ADSS1: variants seen among roughly 807,000 people sequenced by gnomAD.
ADSS1 encodes the protein adenylosuccinate synthase 1.
A neutral mutation model predicts 59.1 loss-of-function variants in ADSS1; 57 were observed. That is an observed-to-expected ratio of 0.97 (90% CI 0.78 to 1.20). The LOEUF (loss-of-function observed/expected upper bound fraction) is 1.20, where lower values mean the gene tolerates loss of function less well. Among genes scored for constraint, ADSS1 ranks in the 50% most tolerant of loss-of-function variants. ADSS1 has a pLI of 0.00. For synonymous variants in ADSS1, 247 were observed against 249.4 expected (o/e 0.99, Z 0.09); for missense variants, 603 against 610.3 (o/e 0.99, Z 0.13).
intron 3 of ADSS1, 91 bp from the exon 4 acceptor site, chr14:104,739,237 A>G: frequency 7.2e-7 from 1 of 1,388,444 alleles, no homozygotes; most frequent in East Asian, 2.5e-5. Flanking sequence ...CCTGGATGGG[A>G]GCCGGGCGAG....
chr14:104,730,355 T>G, intron 1 of ADSS1: 27 of 915,356 alleles, frequency 2.9e-5, no homozygotes, highest in Non-Finnish European at 4.0e-5. Context: ...CTGGGCATGC[T>G]GGTGGGCGCC....
intron 10 of ADSS1, chr14:104,744,569 G>A (rs535653226): frequency 1.9e-6 from 1 of 538,738 alleles, no homozygotes; most frequent in East Asian, 3.1e-5. Context: ...TTCACAATAG[G>A]GTTCAGGCTC....
intron 3 of ADSS1, 51 bp downstream of exon 3, chr14:104,738,489 G>C (rs747748633): frequency 6.3e-7 from 1 of 1,596,230 alleles, no homozygotes; most frequent in South Asian, 1.1e-5. Context: ...GGTGCCCTGA[G>C]CGGTTGTTGG....
intron 2 of ADSS1, 28 bp downstream of exon 2, chr14:104,735,150 G>A (rs1251372755): frequency 6.4e-6 from 10 of 1,570,314 alleles, no homozygotes; most frequent in Non-Finnish European, 8.7e-6. Flanking sequence ...ACCTGTGTGT[G>A]AGCAGGAAAG....
In ADSS1 at chr14:104,747,124, T is replaced by C; in HGVS notation, c.*121T>C. 4.7e-6 allele frequency: 4 copies of C among 844,796 alleles called. No individual in the cohort carries two copies. Among genetic ancestry groups the C allele is most frequent in the Non-Finnish European group, 7.2e-6 (4 of 558,898 alleles). The allele number at this position is 844,796 out of a possible 1,614,324, so 52.3% of individuals were successfully genotyped here. A position where few individuals can be genotyped will look rare whatever the true frequency, so the allele number is the denominator to read the frequency against. On this transcript the variant is annotated 3_prime_UTR_variant, in exon 13 of 13. Transcript: ENST00000330877. ...GCAGGAAAACCATTTTCTGTACTTT[T>C]ATATTTCTGTTCAACCTGTTGGTTT...
At chr14:104,746,488 G>A in intron 12 of ADSS1, 103 bp downstream of exon 12, 1 of 1,426,910 alleles carries the variant, frequency 7.0e-7, no homozygotes, top group Middle Eastern at 2.6e-4. Context: ...ACCAAGTGTG[G>A]TCACCAAGCG....
chr14:104,745,005 C>T lies in ADSS1; in HGVS notation c.1171+96C>T, dbSNP rs546581484. On this transcript the variant is annotated intron_variant, in intron 11 of 12. Coordinates refer to ENST00000330877, the MANE Select transcript of ADSS1 (RefSeq NM_152328.5). ...CTTCTCAGAGAGGGGTGAGTTCCCA[C>T]GTTCACAGGACACAGGGCAAGCAGC... 578 of 1,061,140 alleles carry T rather than the reference C, an allele frequency of 5.4e-4. 5 individuals are homozygous for T. The highest frequency in any genetic ancestry group is 4.9e-3 in the Middle Eastern group (23 of 4,724). The allele number at this position is 1,061,140 out of a possible 1,614,324, so 65.7% of individuals were successfully genotyped here.
Position 104,724,385 on chromosome 14 carries a change from G to A in ADSS1, c.115G>A (p.Ala39Thr), listed in dbSNP as rs771061801. 1.1e-5 allele frequency: 14 copies of A among 1,257,746 alleles called. No homozygotes were observed. Among genetic ancestry groups the A allele is most frequent in the East Asian group, 3.0e-5 (1 of 33,110 alleles). The allele number at this position is 1,257,746 out of a possible 1,614,324, so 77.9% of individuals were successfully genotyped here. A position where few individuals can be genotyped will look rare whatever the true frequency, so the allele number is the denominator to read the frequency against. Reference protein sequence around the residue: ...TGSRVTVVLGAQWGDEGKGKV... With the variant: ...TGSRVTVVLGTQWGDEGKGKV... ...CTCCCGCGTGACGGTGGTGCTGGGC[G>A]CGCAGTGGGGGGACGAGGGCAAAGG... Residue 39 changes from alanine (A) to threonine (T), a missense_variant, in exon 1 of 13, where the codon GCG (alanine) becomes ACG (threonine). Transcript: ENST00000330877.
At position 104,741,191 on chromosome 14, in the gene ADSS1, C is replaced by G. The variant is rs150115019; in HGVS notation, c.741C>G (p.Pro247=). 4,458 of 1,612,158 alleles carry G rather than the reference C, an allele frequency of 2.8e-3. 51 individuals carry two copies. The highest frequency in any genetic ancestry group is 0.025 in the South Asian group (2,303 of 90,852). ...TGTATGAGGCACTCCACGGCCCCCC[C>G]AAGAAGATCCTGGTGGAGGGTGCCA... is the stretch of plus-strand genomic sequence containing the variant. ...YFMYEALHGP[P]KKILVEGANA... is the part of the protein sequence containing the mutation. The change falls in exon 8 of 13, where the codon CCC becomes CCG. Residue 247 remains proline, a synonymous_variant. Transcript: ENST00000330877.
At chr14:104,727,829 G>A (rs1890760762) in intron 1 of ADSS1, among the ~76,000 whole-genome samples, 1 of 152,174 alleles carries the variant, frequency 6.6e-6, no homozygotes, top group South Asian at 2.1e-4. Context: ...AGGACCACAG[G>A]GCTCCAGCGC....
In ADSS1 at chr14:104,746,295, G is replaced by T. The variant is rs199570234; in HGVS notation, c.1231G>T (p.Ala411Ser). ...GTATGAAACGCTGCCTGGGTGGAAA[G>T]CAGACACCACAGGCGCCAGGAGGTG... ...VEYETLPGWK[A>S]DTTGARRWED... Residue 411 changes from alanine (A) to serine (S), a missense_variant, in exon 12 of 13, where the codon GCA becomes TCA. Physicochemically the swap from Ala to Ser is moderately conservative, Grantham distance 99. Coordinates refer to ENST00000330877, the MANE Select transcript of ADSS1 (RefSeq NM_152328.5). 57 of 1,613,692 alleles carry T rather than the reference G, an allele frequency of 3.5e-5. No individual in the cohort carries two copies. The highest frequency in any genetic ancestry group is 2.2e-5 in the East Asian group (1 of 44,898).
At position 104,746,370 on chromosome 14, in the gene ADSS1, C is replaced by G. The variant is rs189271678; in HGVS notation, c.1306C>G (p.His436Asp). The change falls in exon 12 of 13, where the codon CAC becomes GAC. Residue 436 changes from histidine to aspartate, a missense_variant. By Grantham distance (81) the His-to-Asp change is moderately conservative. Transcript: ENST00000330877. ...GAACTACATCCGCTTTGTGGAGAAT[C>G]ACGTGGGAGTCGCAGGTGGGTGCCC... ...AQNYIRFVEN[H>D]VGVAVKWVGV... 6.2e-6 allele frequency: 10 copies of G among 1,612,260 alleles called. No individual in the cohort carries two copies. The East Asian group carries it at 2.2e-4, about 36-fold the overall frequency.
chr14:104,730,267 G>A (rs1184366898), intron 1 of ADSS1: 4 of 1,441,424 alleles, frequency 2.8e-6, no homozygotes, highest in Non-Finnish European at 3.7e-6. Context: ...GCCGAGGCGA[G>A]CGGATCACTT....
At chr14:104,741,342 G>A in intron 8 of ADSS1, 99 bp downstream of exon 8, 2 of 1,461,088 alleles carry the variant, frequency 1.4e-6, no homozygotes. Flanking sequence ...GGGAGGGGCA[G>A]ACCCGCTTTC....
rs528066037 is a variant in ADSS1 at position 104,724,527 on chromosome 14, G to A, written c.192+65G>A. The A allele has an allele frequency of 7.0e-5, 75 of 1,077,124 alleles. 2 individuals are homozygous for A. In the East Asian group the frequency reaches 2.6e-3, roughly 38 times the overall value. The allele number at this position is 1,077,124 out of a possible 1,614,324, so 66.7% of individuals were successfully genotyped here. A position where few individuals can be genotyped will look rare whatever the true frequency, so the allele number is the denominator to read the frequency against. The stretch of plus-strand genomic sequence containing the variant: ...CGAGCCCCCCTCCCCCGACCCAGAC[G>A]GCCCCTGTCCTCCCATGCCCTGGCC... On this transcript the variant is annotated intron_variant, in intron 1 of 12. Coordinates refer to ENST00000330877, the MANE Select transcript of ADSS1 (RefSeq NM_152328.5).
chr14:104,741,385 T>G, intron 8 of ADSS1, 142 bp downstream of exon 8: 2 of 1,123,558 alleles, frequency 1.8e-6, no homozygotes, highest in Non-Finnish European at 1.2e-6. Context: ...CCCGCGGAAA[T>G]GATCCTCGTG....
At chr14:104,736,342 G>A (rs1373259773) in intron 2 of ADSS1, among the ~76,000 whole-genome samples, 1 of 152,210 alleles carries the variant, frequency 6.6e-6, no homozygotes, top group Non-Finnish European at 1.5e-5. Flanking sequence ...TTCTCCAGCC[G>A]CCAGCCTCGT....
chr14:104,724,811 C>G (rs934661590), intron 1 of ADSS1, among the ~76,000 whole-genome samples: 1 of 152,144 alleles, frequency 6.6e-6, no homozygotes, highest in African/African-American at 2.4e-5. Context: ...AACCAGAGGA[C>G]CCAGCCCCAG....
chr14:104,742,585 T>C (rs1412914130), intron 9 of ADSS1, among the ~76,000 whole-genome samples: 1 of 152,198 alleles, frequency 6.6e-6, no homozygotes, highest in Non-Finnish European at 1.5e-5. Context: ...ATGGCCCTTG[T>C]GCCTGAGCAG....
Sources: gnomAD v4.1 joint callset for allele counts (sites outside exome capture counted in the v4.1 genomes callset) on GRCh38, gnomAD v4.1.1 for gene constraint, MANE v1.5 for transcripts, NCBI Gene and HGNC (gene_info 2026-07-23, HGNC 2026-07-21) for gene names.